CRPPA: variants seen among roughly 807,000 people sequenced by gnomAD.
CRPPA encodes D-ribitol-5-phosphate cytidylyltransferase.
CRPPA carries 43 observed loss-of-function variants against 52.0 expected under a neutral mutation model. That is an observed-to-expected ratio of 0.83 (90% confidence interval 0.65 to 1.07). The LOEUF (loss-of-function observed/expected upper bound fraction) is 1.07, where lower values mean the gene tolerates loss of function less well. Ranked by LOEUF, CRPPA falls within the 50% of genes least tolerant of loss-of-function variation. The pLI, the probability that CRPPA is intolerant of heterozygous loss-of-function variation, is 0.00. For missense variants in CRPPA, 629 were observed against 551.7 expected, an observed-to-expected ratio of 1.14 and a Z score of -1.40; for synonymous variants, 250 against 203.5, an observed-to-expected ratio of 1.23 and a Z score of -1.94.
chr7:16,243,108 T>C (rs930899378), intron 8 of CRPPA, among the ~76,000 whole-genome samples: 38 of 152,258 alleles, frequency 2.5e-4, no homozygotes, highest in African/African-American at 9.1e-4. Flanking sequence ...AGGGAGGCAA[T>C]TGAAACATGG....
intron 9 of CRPPA, among the ~76,000 whole-genome samples, chr7:16,092,693 C>G (rs992232830): frequency 1.3e-5 from 2 of 152,170 alleles, no homozygotes; most frequent in Non-Finnish European, 2.9e-5. Flanking sequence ...AGTCAAAATA[C>G]TTATTTTAAA....
At chr7:16,261,647 T>G (rs1231067109) in intron 6 of CRPPA, among the ~76,000 whole-genome samples, 1 of 152,008 alleles carries the variant, frequency 6.6e-6, no homozygotes, top group African/African-American at 2.4e-5. Flanking sequence ...GAGTTTTTGC[T>G]TAAGAATAGT....
In CRPPA at chr7:16,286,477, T is replaced by A. The variant is rs1168802639; in HGVS notation, c.836-8251A>T. Among the ~76,000 whole-genome samples, 4 of 152,104 alleles carry A rather than the reference T, an allele frequency of 2.6e-5. No individual in the cohort carries two copies. The South Asian group carries it at 6.2e-4, about 24-fold the overall frequency. ...AAATGTCTAAGCATTCTTCACCAGA[T>A]AACTAATAATTCCCAGGTTCTCATC... On this transcript the variant is annotated intron_variant, in intron 5 of 9. Coordinates refer to ENST00000407010, the MANE Select transcript of CRPPA (RefSeq NM_001101426.4).
intron 6 of CRPPA, among the ~76,000 whole-genome samples, chr7:16,264,323 C>T (rs1458294488): frequency 6.6e-6 from 1 of 152,104 alleles, no homozygotes; most frequent in African/African-American, 2.4e-5. Context: ...GTTCAAAGGA[C>T]ATTTAAACAA....
chr7:16,150,022 C>A (rs2128378567), intron 9 of CRPPA, among the ~76,000 whole-genome samples: 1 of 151,400 alleles, frequency 6.6e-6, no homozygotes, highest in South Asian at 2.1e-4. Flanking sequence ...AAGAAACTAT[C>A]ATTTACCTCC....
intron 2 of CRPPA, among the ~76,000 whole-genome samples, chr7:16,395,470 T>C (rs1280832691): frequency 6.6e-6 from 1 of 152,204 alleles, no homozygotes. Context: ...TAATCAGTGT[T>C]TGCAGAACGG....
intron 5 of CRPPA, among the ~76,000 whole-genome samples, chr7:16,282,846 G>A (rs893828615): frequency 6.6e-6 from 1 of 151,998 alleles, no homozygotes; most frequent in Admixed American, 6.6e-5. Flanking sequence ...GCATCTGACA[G>A]GCCAATTTCT....
At chr7:16,225,099 C>T (rs1032779623) in intron 8 of CRPPA, among the ~76,000 whole-genome samples, 2 of 151,854 alleles carry the variant, frequency 1.3e-5, no homozygotes, top group Non-Finnish European at 2.9e-5. Context: ...AAACATTAAC[C>T]ATACAAAATA....
intron 9 of CRPPA, among the ~76,000 whole-genome samples, chr7:16,111,897 T>G (rs1782272393): frequency 6.6e-6 from 1 of 152,222 alleles, no homozygotes; most frequent in South Asian, 2.1e-4. Context: ...TCAAAACTGC[T>G]GAGTAAATTC....
intron 5 of CRPPA, among the ~76,000 whole-genome samples, chr7:16,280,829 G>T (rs1784306105): frequency 6.6e-6 from 1 of 152,134 alleles, no homozygotes; most frequent in African/African-American, 2.4e-5. Flanking sequence ...AGACCAGCCT[G>T]GGCAACATGG....
chr7:16,159,536 A>G (rs1328239319), intron 9 of CRPPA, among the ~76,000 whole-genome samples: 1 of 152,112 alleles, frequency 6.6e-6, no homozygotes, highest in East Asian at 1.9e-4. Flanking sequence ...AAGGACATGA[A>G]CTCATTCCTT....
At chr7:16,122,185 A>C (rs1190221358) in intron 9 of CRPPA, among the ~76,000 whole-genome samples, 2 of 152,186 alleles carry the variant, frequency 1.3e-5, no homozygotes, top group Non-Finnish European at 1.5e-5. Flanking sequence ...GAACACGCAC[A>C]ATCAAAAGGA....
At chr7:16,169,139 A>G (rs1017799549) in intron 9 of CRPPA, among the ~76,000 whole-genome samples, 2 of 152,204 alleles carry the variant, frequency 1.3e-5, no homozygotes, top group African/African-American at 4.8e-5. Context: ...TATCATGGAA[A>G]TTACATATTA....
intron 9 of CRPPA, among the ~76,000 whole-genome samples, chr7:16,159,242 T>A (rs1194705528): frequency 3.3e-5 from 5 of 152,072 alleles, no homozygotes; most frequent in Non-Finnish European, 7.4e-5. Context: ...CATGGTGAAA[T>A]CTTCTCTCTA....
At chr7:16,249,342 G>C (rs1003103492) in intron 8 of CRPPA, among the ~76,000 whole-genome samples, 1 of 152,196 alleles carries the variant, frequency 6.6e-6, no homozygotes, top group African/African-American at 2.4e-5. Context: ...GCTCTGAAGA[G>C]AGCAGTGGTT....
intron 8 of CRPPA, among the ~76,000 whole-genome samples, chr7:16,223,418 C>G (rs1782571818): frequency 6.6e-6 from 1 of 152,132 alleles, no homozygotes; most frequent in African/African-American, 2.4e-5. Context: ...AACTTAAACA[C>G]AGATACAGAA....
intron 9 of CRPPA, among the ~76,000 whole-genome samples, chr7:16,094,737 T>A (rs1270185815): frequency 6.6e-6 from 1 of 152,110 alleles, no homozygotes; most frequent in Admixed American, 6.6e-5. Context: ...GAAAATAGCA[T>A]TTATGTATTC....
chr7:16,361,082 T>G (rs1333407734), intron 3 of CRPPA, among the ~76,000 whole-genome samples: 1 of 152,102 alleles, frequency 6.6e-6, no homozygotes, highest in Non-Finnish European at 1.5e-5. Context: ...AGAAGATATA[T>G]AAAAATGGCC....
At chr7:16,208,547 C>T (rs1041559437) in intron 9 of CRPPA, among the ~76,000 whole-genome samples, 1 of 152,132 alleles carries the variant, frequency 6.6e-6, no homozygotes, top group South Asian at 2.1e-4. Context: ...CTTTATGACA[C>T]ACAGAAGCTG....
Sources: allele counts gnomAD v4.1 joint callset (sites outside exome capture counted in the v4.1 genomes callset), GRCh38; gene constraint gnomAD v4.1.1; transcripts MANE v1.5; gene names NCBI Gene and HGNC (gene_info 2026-07-23, HGNC 2026-07-21).